The following LARGE1 variants were observed in gnomAD, a reference collection of about 807,000 sequenced individuals.
LARGE1 encodes the protein LARGE xylosyl- and glucuronyltransferase 1, also known as xylosyl- and glucuronyltransferase LARGE1.
Under a neutral mutation model 87.6 loss-of-function variants are expected in LARGE1, and 43 were observed. The ratio of observed to expected loss-of-function variants is 0.49; its 90% confidence interval spans 0.38 to 0.63. The LOEUF is 0.63. Among genes scored for constraint, LARGE1 ranks in the 30% least tolerant of loss-of-function variants. The pLI is 0.00. For synonymous variants in LARGE1, 434 were observed against 394.6 expected (o/e 1.10, Z -1.18); for missense variants, 802 against 1,000.2 (o/e 0.80, Z 2.67).
At chr22:33,408,395 A>G (rs2066180022) in intron 7 of LARGE1, among the ~76,000 whole-genome samples, 1 of 152,320 alleles carries the variant, frequency 6.6e-6, no homozygotes, top group East Asian at 1.9e-4. Flanking sequence ...GAGGTTGGAG[A>G]GGCAGATGTC....
At chr22:33,505,855 T>C (rs1031265628) in intron 6 of LARGE1, among the ~76,000 whole-genome samples, 4 of 152,206 alleles carry the variant, frequency 2.6e-5, no homozygotes, top group African/African-American at 9.7e-5. Flanking sequence ...TACTAATGCT[T>C]AATAAATGAT....
chr22:33,433,607 C>CAAAAAAACAAA (rs2067159572), intron 6 of LARGE1, among the ~76,000 whole-genome samples: 1 of 88,260 alleles, frequency 1.1e-5, no homozygotes. Context: ...AAAAACAAAA[C>CAAAAAAACAAA]AAAAAAAAAA....
At chr22:33,141,190 T>TCACA in the LARGE1 span, among the ~76,000 whole-genome samples, 174 of 147,432 alleles carry the variant, frequency 1.2e-3, no homozygotes, top group East Asian at 7.3e-3. Context: ...TCTCTCTCTC[T>TCACA]CTCTCACACA....
intron 12 of LARGE1, among the ~76,000 whole-genome samples, chr22:33,303,363 G>A (rs967978922): frequency 2.0e-5 from 3 of 152,096 alleles, no homozygotes; most frequent in African/African-American, 4.8e-5. Flanking sequence ...CCGGGCCAAC[G>A]GCTCCTGGTC....
At chr22:33,299,834 A>C (rs1205720028) in intron 12 of LARGE1, among the ~76,000 whole-genome samples, 1 of 152,232 alleles carries the variant, frequency 6.6e-6, no homozygotes, top group African/African-American at 2.4e-5. Context: ...CATTTCTGAG[A>C]TCAAAAGTGA....
intron 11 of LARGE1, among the ~76,000 whole-genome samples, chr22:33,236,549 C>T (rs1926260379): frequency 6.6e-6 from 1 of 152,176 alleles, no homozygotes; most frequent in African/African-American, 2.4e-5. Context: ...GTTAGTATTA[C>T]AGCTTACACC....
At chr22:33,084,040 G>A in the LARGE1 span, among the ~76,000 whole-genome samples, 32 of 152,158 alleles carry the variant, frequency 2.1e-4, no homozygotes, top group African/African-American at 7.2e-4. Context: ...ACTGCTTTTT[G>A]TCTCCCACAT....
chr22:33,125,763 A>G, the LARGE1 span, among the ~76,000 whole-genome samples: 833 of 152,056 alleles, frequency 5.5e-3, 9 homozygotes, highest in African/African-American at 0.019. Flanking sequence ...TTTTAAATAC[A>G]TTTTTATTTT....
chr22:33,774,580 A>T (rs186936945), intron 1 of LARGE1, among the ~76,000 whole-genome samples: 15,287 of 151,954 alleles, frequency 0.1, 905 homozygotes, highest in South Asian at 0.25. Context: ...CTGGTCTCGA[A>T]CTCCTGACCT....
intron 1 of LARGE1, among the ~76,000 whole-genome samples, chr22:33,879,719 C>A (rs527351110): frequency 2.6e-5 from 4 of 152,318 alleles, no homozygotes; most frequent in African/African-American, 9.6e-5. Context: ...ACTTGAAACA[C>A]CATCTATCCT....
rs144719338 is a variant in LARGE1 at position 33,864,444 on chromosome 22, G to C, written c.-83+55551C>G. On this transcript the variant is annotated intron_variant, in intron 1 of 14. Transcript: ENST00000397394. ...AAACCAATGCTGGCTTCGTGTTGCT[G>C]GGGAAAGCTACATAGGCAAGGTGCA... 1.2e-3 allele frequency among the ~76,000 whole-genome samples: 177 copies of C among 152,332 alleles called. 1 individual carries two copies. The highest frequency in any genetic ancestry group is 3.9e-3 in the African/African-American group (164 of 41,580).
intron 2 of LARGE1, among the ~76,000 whole-genome samples, chr22:33,754,481 G>A (rs1256783993): frequency 3.3e-5 from 5 of 151,684 alleles, no homozygotes; most frequent in Admixed American, 2.0e-4. Context: ...GACTACAGGC[G>A]CCCACCACCA....
intron 7 of LARGE1, among the ~76,000 whole-genome samples, chr22:33,387,979 G>A (rs1025533668): frequency 6.6e-6 from 1 of 152,118 alleles, no homozygotes; most frequent in Non-Finnish European, 1.5e-5. Context: ...GTATTCCCAG[G>A]GGTCTGTGTT....
chr22:33,092,948 C>T, the LARGE1 span, among the ~76,000 whole-genome samples: 9 of 152,230 alleles, frequency 5.9e-5, no homozygotes, highest in Admixed American at 4.6e-4. Flanking sequence ...ATGCATGTAT[C>T]TTTATACTAG....
At chr22:33,611,304 G>C (rs901199652) in intron 4 of LARGE1, among the ~76,000 whole-genome samples, 2 of 152,236 alleles carry the variant, frequency 1.3e-5, no homozygotes, top group Non-Finnish European at 2.9e-5. Flanking sequence ...GCAGCTGCAG[G>C]GGCTGTACAC....
chr22:33,568,304 A>G (rs1308130882), intron 5 of LARGE1, among the ~76,000 whole-genome samples: 3 of 152,144 alleles, frequency 2.0e-5, no homozygotes, highest in African/African-American at 7.2e-5. Flanking sequence ...CCTCCAGTCA[A>G]CCCTAACGGA....
chr22:33,252,598 A>G (rs578125804), intron 11 of LARGE1, among the ~76,000 whole-genome samples: 1 of 152,230 alleles, frequency 6.6e-6, no homozygotes, highest in South Asian at 2.1e-4. Flanking sequence ...AGTAAAGCAA[A>G]GTAGGAATTG....
At chr22:33,501,885 T>C (rs2070456337) in intron 6 of LARGE1, among the ~76,000 whole-genome samples, 1 of 152,078 alleles carries the variant, frequency 6.6e-6, no homozygotes, top group South Asian at 2.1e-4. Flanking sequence ...CACAGGTGCT[T>C]GTGGAGGTAC....
At chr22:33,519,777 G>A (rs2071483021) in intron 6 of LARGE1, among the ~76,000 whole-genome samples, 1 of 152,146 alleles carries the variant, frequency 6.6e-6, no homozygotes, top group Non-Finnish European at 1.5e-5. Flanking sequence ...TTGAGAGGCT[G>A]ATCTACATGG....
Sources: allele counts gnomAD v4.1 joint callset (sites outside exome capture counted in the v4.1 genomes callset), GRCh38; gene constraint gnomAD v4.1.1; transcripts MANE v1.5; gene names NCBI Gene and HGNC (gene_info 2026-07-23, HGNC 2026-07-21).